The following AXL variants were observed in gnomAD, a reference collection of about 807,000 sequenced individuals.
AXL encodes the protein AXL receptor tyrosine kinase, also known as tyrosine-protein kinase receptor UFO.
AXL carries 52 observed loss-of-function variants against 104.5 expected under a neutral mutation model. The observed-to-expected ratio is 0.50, with a 90% confidence interval of 0.40 to 0.63. The LOEUF is 0.63. AXL is among the 20% of genes least tolerant of loss of function. The pLI is 0.00. For synonymous variants in AXL, 455 were observed against 473.7 expected (o/e 0.96, Z 0.51); for missense variants, 1,024 against 1,188.5 (o/e 0.86, Z 2.04).
chr19:41,238,390 C>T, intron 7 of AXL, 80 bp from the exon 8 acceptor site: 4 of 1,567,882 alleles, frequency 2.6e-6, no homozygotes, highest in South Asian at 1.2e-5. Flanking sequence ...CCCTTGGCAC[C>T]CTGCACCCAC....
At chr19:41,235,766 C>A (rs898628399) in intron 6 of AXL, among the ~76,000 whole-genome samples, 3 of 152,190 alleles carry the variant, frequency 2.0e-5, no homozygotes, top group African/African-American at 7.2e-5. Flanking sequence ...GTGTTGTCAT[C>A]TGTACAGTGG....
intron 12 of AXL, among the ~76,000 whole-genome samples, chr19:41,245,237 A>G (rs1365548259): frequency 1.3e-5 from 2 of 152,202 alleles, no homozygotes; most frequent in African/African-American, 4.8e-5. Flanking sequence ...CTGAACTGCC[A>G]CACTCTACTA....
At chr19:41,231,958 T>A (rs1231808251) in intron 6 of AXL, among the ~76,000 whole-genome samples, 2 of 146,794 alleles carry the variant, frequency 1.4e-5, no homozygotes, top group Admixed American at 6.7e-5. Context: ...ACAAAAAAAA[T>A]TTAACAAAAT....
Position 41,257,482 on chromosome 19 carries a change from G to T in AXL, c.2197-11G>T. The T allele has an allele frequency of 1.9e-6, 3 of 1,614,166 alleles. No individual in the cohort carries two copies. The highest frequency in any genetic ancestry group is 2.5e-6 in the Non-Finnish European group (3 of 1,180,020). ...CAGGAGAGACTGTCTAATTCCCTCT[G>T]CCCCTCACAGTGGTCCTTCGGGGTG... On this transcript the variant is annotated splice_polypyrimidine_tract_variant and intron_variant, in intron 18 of 19. Coordinates refer to ENST00000301178, the MANE Select transcript of AXL (RefSeq NM_021913.5).
At chr19:41,254,367 A>G (rs2034418637) in intron 17 of AXL, among the ~76,000 whole-genome samples, 1 of 139,162 alleles carries the variant, frequency 7.2e-6, no homozygotes, top group East Asian at 2.1e-4. Flanking sequence ...ACAGAGCAAG[A>G]CTCTGTCTCA....
chr19:41,252,495 A>T, intron 15 of AXL, 52 bp downstream of exon 15: 1 of 1,579,244 alleles, frequency 6.3e-7, no homozygotes, highest in Non-Finnish European at 8.7e-7. Flanking sequence ...GGGCCATAGC[A>T]GAGGGAAGAG....
chr19:41,230,690 C>T (rs1329442214), intron 4 of AXL, among the ~76,000 whole-genome samples: 4 of 139,352 alleles, frequency 2.9e-5, no homozygotes, highest in Non-Finnish European at 6.3e-5. Flanking sequence ...AGTGTGTGTG[C>T]CTGTGCCTGT....
Position 41,260,323 on chromosome 19 carries a change from T to TTTTC in AXL, c.*422_*423insCTTT, listed in dbSNP as rs2034519578. Reference sequence around the variant, plus strand: ...CTTTTTTTTTTTTTTTTTTTTTTTTTTTTTTTGCGATAGAGTCTCACTGTG... The same window carrying TTTTC: ...CTTTTTTTTTTTTTTTTTTTTTTTTTTTTCTTTTTTGCGATAGAGTCTCACTGTG... On this transcript the variant is annotated 3_prime_UTR_variant, in exon 20 of 20. Coordinates refer to ENST00000301178, the MANE Select transcript of AXL (RefSeq NM_021913.5). The TTTTC allele has an allele frequency of 1.8e-5, 3 of 163,578 alleles. 1 individual carries two copies. The highest frequency in any genetic ancestry group is 7.0e-5 in the Admixed American group (1 of 14,186). The allele number at this position is 163,578 out of a possible 1,614,324, so 10.1% of individuals were successfully genotyped here.
At chr19:41,231,857 G>T (rs1214172648) in intron 6 of AXL, among the ~76,000 whole-genome samples, 1 of 151,746 alleles carries the variant, frequency 6.6e-6, no homozygotes, top group African/African-American at 2.4e-5. Context: ...AACCTGGGAG[G>T]CGGAGGTTGC....
At chr19:41,243,576 T>C in intron 11 of AXL, 40 bp from the exon 12 acceptor site, 3 of 1,510,680 alleles carry the variant, frequency 2.0e-6, no homozygotes, top group Non-Finnish European at 2.8e-6. Flanking sequence ...GGGTTCCACA[T>C]GGTTTTTCCC....
intron 19 of AXL, 119 bp downstream of exon 19, chr19:41,257,748 G>A (rs1372760727): frequency 7.5e-7 from 1 of 1,340,226 alleles, no homozygotes; most frequent in Non-Finnish European, 1.0e-6. Context: ...AGAATGCTGA[G>A]TGACCCACTT....
chr19:41,245,734 G>T (rs907719642), intron 12 of AXL, among the ~76,000 whole-genome samples: 9 of 145,132 alleles, frequency 6.2e-5, no homozygotes, highest in Non-Finnish European at 1.2e-4. Context: ...AAAAAAAAAA[G>T]GAATCTCATC....
At chr19:41,249,069 C>T (rs918704585) in intron 14 of AXL, among the ~76,000 whole-genome samples, 4 of 152,068 alleles carry the variant, frequency 2.6e-5, no homozygotes, top group African/African-American at 9.7e-5. Context: ...GTCACTTCCC[C>T]CGCTAGGCCT....
At position 41,242,992 on chromosome 19, in the gene AXL, G is replaced by C; in HGVS notation, c.1422G>C (p.Arg474=). The stretch of plus-strand genomic sequence containing the variant: ...TCTTGGCTCTCTTCCTTGTCCACCG[G>C]CGAAAGAAGGAGACCCGTTATGGGT... ...VLILALFLVH[R]RKKETRYGEV... is the part of the protein sequence containing the mutation. Residue 474 remains arginine, a synonymous_variant, in exon 11 of 20, where the codon CGG becomes CGC. Coordinates refer to ENST00000301178, the MANE Select transcript of AXL (RefSeq NM_021913.5). The C allele has an allele frequency of 6.2e-7, 1 of 1,614,182 alleles. No homozygotes were observed. The highest frequency in any genetic ancestry group is 8.5e-7 in the Non-Finnish European group (1 of 1,180,044).
rs768319413 is a variant in AXL, at chr19:41,219,410, C to T, written c.18C>T (p.Pro6=). The change falls in exon 1 of 20, where the codon CCC becomes CCT. Residue 6 remains proline, a synonymous_variant. Coordinates refer to ENST00000301178, the MANE Select transcript of AXL (RefSeq NM_021913.5). MAWRC[P]RMGRVPLAWC... ...TGGCACCCATGGCGTGGCGGTGCCC[C>T]AGGATGGGCAGGGTCCCGCTGGCCT... 2.1e-5 allele frequency: 34 copies of T among 1,603,006 alleles called. No homozygotes were observed. Among genetic ancestry groups the T allele is most frequent in the African/African-American group, 2.7e-5 (2 of 74,726 alleles).
chr19:41,249,620 G>C (rs1203595294), intron 14 of AXL, among the ~76,000 whole-genome samples: 1 of 152,078 alleles, frequency 6.6e-6, no homozygotes, highest in Non-Finnish European at 1.5e-5. Context: ...GCCAGGCGTG[G>C]TGGCAGGCAC....
rs2033773820 is a variant in AXL, at chr19:41,220,673, AGGGAATATCACAGGTGCCCG to A, written c.128_147del (p.Asn43ThrfsTer41). 6.2e-7 allele frequency: 1 copy of A among 1,606,318 alleles called. No homozygotes were observed. On this transcript the variant is annotated frameshift_variant, in exon 2 of 20. Coordinates refer to ENST00000301178, the MANE Select transcript of AXL (RefSeq NM_021913.5). LOFTEE classifies it high-confidence loss of function. ...AAGAAAGTCCCTTCGTGGGCAACCC[AGGGAATATCACAGGTGCCCG>A]GGGACTCACGGGCACCCTTCGGTGT...
chr19:41,230,512 CTGTGTGTCTTTG>C (rs1267141092), intron 4 of AXL, among the ~76,000 whole-genome samples: 1 of 140,552 alleles, frequency 7.1e-6, no homozygotes, highest in Non-Finnish European at 1.5e-5. Context: ...CTGTGTGTGG[CTGTGTGTCTTTG>C]TGTGTGTCTG....
intron 14 of AXL, among the ~76,000 whole-genome samples, chr19:41,250,800 A>G (rs1413159209): frequency 6.6e-6 from 1 of 152,114 alleles, no homozygotes; most frequent in Non-Finnish European, 1.5e-5. Context: ...GAGCAGTGGC[A>G]GGATCACAGC....
Sources: allele counts gnomAD v4.1 joint callset (sites outside exome capture counted in the v4.1 genomes callset), GRCh38; gene constraint gnomAD v4.1.1; transcripts MANE v1.5; gene names NCBI Gene and HGNC (gene_info 2026-07-23, HGNC 2026-07-21).